C16orf78: variants seen among roughly 807,000 people sequenced by gnomAD.
C16orf78 encodes the protein uncharacterized protein C16orf78.
Under a neutral mutation model 27.3 loss-of-function variants are expected in C16orf78, and 19 were observed. That is an observed-to-expected ratio of 0.70 (90% confidence interval 0.49 to 1.02). C16orf78 has a LOEUF of 1.02. Ranked by LOEUF, C16orf78 falls within the 50% of genes least tolerant of loss-of-function variation. The pLI is 0.00. For synonymous variants in C16orf78, 130 were observed against 116.1 expected (o/e 1.12, Z -0.77); for missense variants, 339 against 337.0 (o/e 1.01, Z -0.05).
At chr16:49,378,374 G>A in intron 2 of C16orf78, 96 bp from the exon 3 acceptor site, 1 of 1,485,632 alleles carries the variant, frequency 6.7e-7, no homozygotes, top group South Asian at 1.3e-5. Flanking sequence ...CCTGCCTTTT[G>A]GCAAACCCTT....
At chr16:49,381,753 G>C (rs1278465984) in intron 3 of C16orf78, among the ~76,000 whole-genome samples, 1 of 151,400 alleles carries the variant, frequency 6.6e-6, no homozygotes, top group Admixed American at 6.6e-5. Context: ...TCATTAAAAA[G>C]TCAGGAAACA....
At chr16:49,386,569 G>A (rs1461919589) in intron 3 of C16orf78, among the ~76,000 whole-genome samples, 1 of 152,108 alleles carries the variant, frequency 6.6e-6, no homozygotes, top group Non-Finnish European at 1.5e-5. Context: ...GTACCCATTA[G>A]TCATTTTTCC....
At chr16:49,377,619 G>A in intron 1 of C16orf78, 112 bp from the exon 2 acceptor site, 3 of 1,355,642 alleles carry the variant, frequency 2.2e-6, no homozygotes, top group South Asian at 2.8e-5. Flanking sequence ...GTGTGCTGAA[G>A]CCTGTGGAGG....
intron 3 of C16orf78, among the ~76,000 whole-genome samples, chr16:49,382,996 C>A (rs746525346): frequency 6.6e-6 from 1 of 152,222 alleles, no homozygotes; most frequent in African/African-American, 2.4e-5. Context: ...CACAAGGATG[C>A]CAGCAGGTCA....
chr16:49,377,216 A>G (rs75260295), intron 1 of C16orf78, among the ~76,000 whole-genome samples: 310 of 152,312 alleles, frequency 2.0e-3, no homozygotes, highest in Middle Eastern at 6.8e-3. Flanking sequence ...GGGAAATAGA[A>G]AGGCAAGGTC....
chr16:49,399,080 A>G (rs1965509159), intron 4 of C16orf78, 51 bp from the exon 5 acceptor site: 1 of 1,586,462 alleles, frequency 6.3e-7, no homozygotes. Context: ...TAAAGTTAGA[A>G]GCTGCTGTGA....
intron 3 of C16orf78, among the ~76,000 whole-genome samples, chr16:49,391,587 C>T (rs1965413431): frequency 6.6e-6 from 1 of 152,176 alleles, no homozygotes; most frequent in Non-Finnish European, 1.5e-5. Flanking sequence ...AGCACATTAC[C>T]TAATCCCTCT....
intron 4 of C16orf78, among the ~76,000 whole-genome samples, chr16:49,397,353 G>A (rs568338355): frequency 3.4e-4 from 52 of 152,336 alleles, no homozygotes; most frequent in Non-Finnish European, 6.5e-4. Flanking sequence ...ACAGAGTAAT[G>A]TAGTTGTCAT....
chr16:49,395,289 C>T (rs1965458263), intron 3 of C16orf78, among the ~76,000 whole-genome samples: 1 of 152,102 alleles, frequency 6.6e-6, no homozygotes, highest in South Asian at 2.1e-4. Context: ...TTCCATCCTC[C>T]TGAGTAAAAA....
rs562925637 is a variant in C16orf78 at position 49,378,123 on chromosome 16, C to T, written c.270+273C>T. 1.6e-4 allele frequency among the ~76,000 whole-genome samples: 24 copies of T among 152,282 alleles called. 1 individual carries two copies. In the East Asian group the frequency reaches 4.5e-3, roughly 28 times the overall value. ...TCCCTGAAACCATTCAAGAAGGCCA[C>T]TTGGAAGATGAGAACACCGTGGTTC... On this transcript the variant is annotated intron_variant, in intron 2 of 4. Transcript: ENST00000299191.
At chr16:49,396,260 G>T (rs1325589185) in intron 3 of C16orf78, among the ~76,000 whole-genome samples, 163 bp from the exon 4 acceptor site, 4 of 152,070 alleles carry the variant, frequency 2.6e-5, no homozygotes, top group Admixed American at 2.0e-4. Flanking sequence ...AGAAAGGGGA[G>T]AAGGGGTATA....
intron 3 of C16orf78, among the ~76,000 whole-genome samples, chr16:49,391,162 A>G (rs1965408570): frequency 6.6e-6 from 1 of 152,216 alleles, no homozygotes; most frequent in Non-Finnish European, 1.5e-5. Flanking sequence ...GGAAATTACC[A>G]AATTGAATTT....
At chr16:49,390,658 T>C (rs1028684589) in intron 3 of C16orf78, among the ~76,000 whole-genome samples, 1 of 152,246 alleles carries the variant, frequency 6.6e-6, no homozygotes, top group East Asian at 1.9e-4. Flanking sequence ...GCCATGTTCT[T>C]GTCTACTAAT....
rs1965512470 is a variant in C16orf78, at chr16:49,399,265, G to T, written c.785G>T (p.Ser262Ile). ...DAKKVFTGIP[S>I]MAL Reference sequence around the variant, plus strand: ...AAAAAGGTGTTCACCGGAATACCCAGCATGGCCCTCTAAATAGCTCCTCTC... The same window carrying T: ...AAAAAGGTGTTCACCGGAATACCCATCATGGCCCTCTAAATAGCTCCTCTC... The change falls in exon 5 of 5, where the codon AGC (serine) becomes ATC (isoleucine). Residue 262 changes from serine to isoleucine, a missense_variant. Coordinates refer to ENST00000299191, the MANE Select transcript of C16orf78 (RefSeq NM_144602.4). The T allele has an allele frequency of 3.1e-6, 5 of 1,614,104 alleles. No individual in the cohort carries two copies. Among genetic ancestry groups the T allele is most frequent in the Non-Finnish European group, 3.4e-6 (4 of 1,180,002 alleles).
chr16:49,377,463 G>C (rs1022753346), intron 1 of C16orf78, among the ~76,000 whole-genome samples: 1 of 152,118 alleles, frequency 6.6e-6, no homozygotes, highest in African/African-American at 2.4e-5. Context: ...CCCTTATGTG[G>C]GGGGTGATGG....
chr16:49,379,974 T>C (rs1965267564), intron 3 of C16orf78, among the ~76,000 whole-genome samples: 1 of 152,176 alleles, frequency 6.6e-6, no homozygotes, highest in African/African-American at 2.4e-5. Flanking sequence ...CCAGCACAGC[T>C]AGAATAAAGC....
chr16:49,386,151 G>A (rs1965348005), intron 3 of C16orf78, among the ~76,000 whole-genome samples: 1 of 152,094 alleles, frequency 6.6e-6, no homozygotes, highest in African/African-American at 2.4e-5. Context: ...TCATCAAGAA[G>A]ACATAACAAC....
chr16:49,392,190 A>G (rs1965420533), intron 3 of C16orf78, among the ~76,000 whole-genome samples: 1 of 152,246 alleles, frequency 6.6e-6, no homozygotes, highest in Non-Finnish European at 1.5e-5. Flanking sequence ...GAAAAAAATC[A>G]GCCTGCCATC....
chr16:49,373,944 C>T lies in C16orf78; in HGVS notation c.5C>T (p.Ser2Leu), dbSNP rs1965184960. 6.2e-6 allele frequency: 10 copies of T among 1,614,112 alleles called. No homozygotes were observed. The highest frequency in any genetic ancestry group is 1.7e-4 in the Middle Eastern group (1 of 6,060). Residue 2 changes from serine (S) to leucine (L), a missense_variant, in exon 1 of 5, where the codon TCA becomes TTA. Transcript: ENST00000299191. Reference protein sequence around the residue: MSEQQMDLKDLM... With the variant: MLEQQMDLKDLM... ...AGCCACTAGCAAGACTCCACAATGT[C>T]AGAGCAACAAATGGACCTGAAGGAT...
Sources: allele counts gnomAD v4.1 joint callset (sites outside exome capture counted in the v4.1 genomes callset), GRCh38; gene constraint gnomAD v4.1.1; transcripts MANE v1.5; gene names NCBI Gene and HGNC (gene_info 2026-07-23, HGNC 2026-07-21).